OTOF: variants seen among roughly 807,000 people sequenced by gnomAD.
OTOF encodes fer-1-like family member 2.
A neutral mutation model predicts 236.8 loss-of-function variants in OTOF; 218 were observed. The observed-to-expected ratio is 0.92, with a 90% CI of 0.82 to 1.03. The LOEUF (loss-of-function observed/expected upper bound fraction) is 1.03, where lower values mean the gene tolerates loss of function less well. Among genes scored for constraint, OTOF ranks in the 50% least tolerant of loss-of-function variants. The pLI is 0.00. For synonymous variants in OTOF, 1,041 were observed against 1,072.5 expected (o/e 0.97, Z 0.57); for missense variants, 2,590 against 2,694.4 (o/e 0.96, Z 0.86).
intron 1 of OTOF, among the ~76,000 whole-genome samples, chr2:26,556,735 C>T (rs1667594625): frequency 6.6e-6 from 1 of 152,136 alleles, no homozygotes; most frequent in Admixed American, 6.5e-5. Context: ...CTCAGCTCCT[C>T]CGTGAATGCC....
chr2:26,553,988 TG>T (rs1403996342), intron 1 of OTOF, among the ~76,000 whole-genome samples: 2 of 152,022 alleles, frequency 1.3e-5, no homozygotes, highest in Non-Finnish European at 2.9e-5. Flanking sequence ...CTGGGAAATA[TG>T]GTGAAACACC....
intron 4 of OTOF, among the ~76,000 whole-genome samples, chr2:26,517,756 T>C (rs4665332): frequency 0.42 from 63,996 of 151,970 alleles, 13,949 homozygotes; most frequent in Admixed American, 0.52. Flanking sequence ...TTCATAACAA[T>C]GGGTAGCGGA....
In OTOF at chr2:26,553,641, G is replaced by T. The variant is rs142139282; in HGVS notation, c.79+4852C>A. Among the ~76,000 whole-genome samples the T allele has an allele frequency of 1.9e-3, 284 of 152,242 alleles. 1 individual carries two copies. The highest frequency in any genetic ancestry group is 6.6e-3 in the African/African-American group (276 of 41,542). ...AGCCACCACGCCTGGCCCTTTCATGGCCTTTGATCCTGCCAATGAACTAAG... is the reference window on the plus strand; with the variant it reads ...AGCCACCACGCCTGGCCCTTTCATGTCCTTTGATCCTGCCAATGAACTAAG... On this transcript the variant is annotated intron_variant, in intron 1 of 46. Coordinates refer to ENST00000272371, the MANE Select transcript of OTOF (RefSeq NM_194248.3).
chr2:26,508,432 C>T (rs1452582670), intron 5 of OTOF, among the ~76,000 whole-genome samples: 1 of 152,190 alleles, frequency 6.6e-6, no homozygotes, highest in East Asian at 1.9e-4. Context: ...GATAGGCTGA[C>T]CCTTTATACA....
At position 26,460,636 on chromosome 2, in the gene OTOF, AG is replaced by A. The variant is rs879645749; in HGVS notation, c.5813+10del. 1 of 1,608,178 alleles carries A rather than the reference AG, an allele frequency of 6.2e-7. No individual in the cohort carries two copies. Among genetic ancestry groups the A allele is most frequent in the Admixed American group, 1.7e-5 (1 of 59,964 alleles). On this transcript the variant is annotated intron_variant, in intron 45 of 46. Coordinates refer to ENST00000272371, the MANE Select transcript of OTOF (RefSeq NM_194248.3). This position sits in a 1 kb window ranked among gnomAD's most constrained non-coding sequence, Gnocchi z 5.3. ...CAGAGTGGGGAGGGGCTGGGCCGGCAGGGCACTCACTTGGGTTTCTCTAGGG... is the reference window on the plus strand; with the variant it reads ...CAGAGTGGGGAGGGGCTGGGCCGGCAGGCACTCACTTGGGTTTCTCTAGGG...
At chr2:26,497,380 C>T (rs569900427) in intron 8 of OTOF, among the ~76,000 whole-genome samples, 1 of 152,336 alleles carries the variant, frequency 6.6e-6, no homozygotes, top group Admixed American at 6.5e-5. Flanking sequence ...CAGGCGTGAG[C>T]CACTGAGCCC....
intron 30 of OTOF, among the ~76,000 whole-genome samples, chr2:26,472,132 G>A (rs1346426831): frequency 2.7e-5 from 4 of 149,666 alleles, no homozygotes; most frequent in Non-Finnish European, 5.9e-5. Flanking sequence ...ACGCACGCAC[G>A]TGCATATGCA....
rs1391895982 is a variant in OTOF at position 26,477,378 on chromosome 2, C to T, written c.2406+38G>A. The T allele has an allele frequency of 6.4e-7, 1 of 1,568,472 alleles. No homozygotes were observed. Among genetic ancestry groups the T allele is most frequent in the Non-Finnish European group, 8.7e-7 (1 of 1,154,878 alleles). ...GTTGTGACACCTTCTCACAACCAGG[C>T]CCTCCCTCCAGCCCCCGCCGTCCAG... On this transcript the variant is annotated intron_variant, in intron 20 of 46. Transcript: ENST00000272371. This position sits in a 1 kb window ranked among gnomAD's most constrained non-coding sequence, Gnocchi z 4.7.
In OTOF at chr2:26,473,224, C is replaced by T. The variant is rs751557477; in HGVS notation, c.3641G>A (p.Arg1214His). The stretch of plus-strand genomic sequence containing the variant: ...GGCATGGGAGCCCACCAGTGTGTAG[C>T]GACCGAAGGCCCGGCAGTCCACCAC... ...IRVVDCRAFG[R>H]YTLVGSHAVS... Residue 1214 changes from arginine (R) to histidine (H), a missense_variant, in exon 29 of 47, where the codon CGC becomes CAC. This residue lies in a region of OTOF where 1,211 missense variants were observed against 1,352.8 expected (regional missense o/e 0.90). Coordinates refer to ENST00000272371, the MANE Select transcript of OTOF (RefSeq NM_194248.3). This position sits in a 1 kb window ranked among gnomAD's most constrained non-coding sequence, Gnocchi z 7.2. 1.4e-5 allele frequency: 22 copies of T among 1,613,272 alleles called. No individual in the cohort carries two copies. Among genetic ancestry groups the T allele is most frequent in the South Asian group, 1.2e-4 (11 of 91,074 alleles).
intron 9 of OTOF, among the ~76,000 whole-genome samples, chr2:26,492,673 T>A (rs1170212023): frequency 1.3e-5 from 2 of 152,142 alleles, no homozygotes; most frequent in Non-Finnish European, 2.9e-5. Context: ...TCCGAGTACA[T>A]GCCTGGCTCT....
intron 8 of OTOF, among the ~76,000 whole-genome samples, chr2:26,496,252 C>A (rs1451659260): frequency 1.2e-5 from 1 of 84,128 alleles, no homozygotes; most frequent in Non-Finnish European, 2.1e-5. Flanking sequence ...TTTTTTTTTT[C>A]ACACTGAGTC....
intron 5 of OTOF, chr2:26,510,573 T>A (rs1666358975): frequency 8.8e-6 from 4 of 456,206 alleles, no homozygotes; most frequent in South Asian, 5.7e-5. Context: ...CCATGACCCG[T>A]GCCAGCTCTA....
At chr2:26,541,274 G>A (rs559287264) in intron 1 of OTOF, among the ~76,000 whole-genome samples, 1 of 152,268 alleles carries the variant, frequency 6.6e-6, no homozygotes, top group East Asian at 1.9e-4. Context: ...AGCTTTGTTA[G>A]AGAGGAAGTA....
At chr2:26,502,526 G>A (rs980218328) in intron 6 of OTOF, 100 bp from the exon 7 acceptor site, 52 of 1,287,210 alleles carry the variant, frequency 4.0e-5, no homozygotes, top group Non-Finnish European at 4.9e-5. Context: ...AGTTAAATTC[G>A]AGGTTTACTT....
intron 14 of OTOF, among the ~76,000 whole-genome samples, chr2:26,482,192 C>A (rs1184620196): frequency 6.6e-6 from 1 of 152,154 alleles, no homozygotes; most frequent in Non-Finnish European, 1.5e-5. Flanking sequence ...GCTGACAAAT[C>A]CAGTCAGCTG....
intron 8 of OTOF, among the ~76,000 whole-genome samples, chr2:26,495,698 T>A (rs760054137): frequency 2.2e-4 from 33 of 152,116 alleles, no homozygotes; most frequent in Non-Finnish European, 3.8e-4. Context: ...AGTGCTGGAA[T>A]TACAGGCATG....
intron 5 of OTOF, among the ~76,000 whole-genome samples, chr2:26,510,074 G>C (rs13005933): frequency 0.34 from 51,820 of 151,906 alleles, 9,950 homozygotes; most frequent in Middle Eastern, 0.49. Context: ...AATCTTTCCA[G>C]ACCCTTGTGA....
At chr2:26,551,350 G>A (rs1194722804) in intron 1 of OTOF, among the ~76,000 whole-genome samples, 5 of 152,146 alleles carry the variant, frequency 3.3e-5, no homozygotes, top group African/African-American at 7.2e-5. Flanking sequence ...CTTAAATACC[G>A]CCCATTCCTC....
At chr2:26,520,369 G>A (rs531815010) in intron 3 of OTOF, among the ~76,000 whole-genome samples, 44 of 152,278 alleles carry the variant, frequency 2.9e-4, no homozygotes, top group African/African-American at 1.0e-3. Flanking sequence ...ACTCAGACAT[G>A]CTTCATGTCT....
Sources: gnomAD v4.1 joint callset for allele counts (sites outside exome capture counted in the v4.1 genomes callset) on GRCh38, gnomAD v4.1.1 for gene constraint, gnomAD v4.1.1 regional missense constraint, Gnocchi (gnomAD v3.1) non-coding constraint, MANE v1.5 for transcripts, NCBI Gene and HGNC (gene_info 2026-07-23, HGNC 2026-07-21) for gene names.